The following GPR158 variants were observed in gnomAD, a reference collection of about 807,000 sequenced individuals.
GPR158 encodes metabotropic glycine receptor.
GPR158 carries 30 observed loss-of-function variants against 78.2 expected under a neutral mutation model. The observed-to-expected ratio is 0.38, with a 90% CI of 0.29 to 0.52. The LOEUF is 0.52. GPR158 is among the 20% of genes least tolerant of loss of function. The probability of loss-of-function intolerance (pLI) is 0.83; values close to 1 mark genes in which losing one functional copy is unlikely to be tolerated. For synonymous variants in GPR158, 581 were observed against 591.1 expected (o/e 0.98, Z 0.25); for missense variants, 1,463 against 1,523.5 (o/e 0.96, Z 0.66).
At chr10:25,330,349 G>T (rs1193008609) in intron 2 of GPR158, among the ~76,000 whole-genome samples, 2 of 152,110 alleles carry the variant, frequency 1.3e-5, no homozygotes, top group Non-Finnish European at 2.9e-5. Context: ...GTTGCTGCAG[G>T]AGCACAGAAG....
chr10:25,199,382 G>A (rs748544361), intron 1 of GPR158, among the ~76,000 whole-genome samples: 2 of 152,064 alleles, frequency 1.3e-5, no homozygotes, highest in Non-Finnish European at 2.9e-5. Context: ...TCAATGTTTA[G>A]TTCTACTTAT....
Position 25,599,465 on chromosome 10 carries a change from CT to C in GPR158, c.*194del, listed in dbSNP as rs1344946606. On this transcript the variant is annotated 3_prime_UTR_variant, in exon 11 of 11. Transcript: ENST00000376351. ...ACAACGTCATAATGGAGAAGTCAGA[CT>C]TTGGTCAAGAAAGTCCTTCCCTTGG... 6 of 569,940 alleles carry C rather than the reference CT, an allele frequency of 1.1e-5. No individual in the cohort carries two copies. Among genetic ancestry groups the C allele is most frequent in the South Asian group, 2.3e-5 (1 of 43,048 alleles). 35.3% of individuals were successfully genotyped at this position (569,940 alleles called of 1,614,324 possible).
intron 5 of GPR158, among the ~76,000 whole-genome samples, chr10:25,508,662 G>C (rs1836045365): frequency 6.6e-6 from 1 of 152,134 alleles, no homozygotes. Flanking sequence ...GGGGGTAGGG[G>C]AAGTCAGGTC....
chr10:25,439,839 A>T (rs1218196288), intron 4 of GPR158, among the ~76,000 whole-genome samples: 1 of 152,190 alleles, frequency 6.6e-6, no homozygotes, highest in African/African-American at 2.4e-5. Context: ...AATTGTGTCT[A>T]CAAAATTTTT....
chr10:25,283,359 G>T (rs1220102978), intron 2 of GPR158, among the ~76,000 whole-genome samples: 1 of 151,906 alleles, frequency 6.6e-6, no homozygotes, highest in Admixed American at 6.6e-5. Flanking sequence ...AATTCATAAT[G>T]TTGATAATTC....
intron 2 of GPR158, among the ~76,000 whole-genome samples, chr10:25,316,933 GTATA>G (rs35117291): frequency 1.3e-5 from 2 of 148,786 alleles, no homozygotes; most frequent in African/African-American, 2.5e-5. Flanking sequence ...GTATGTGTGT[GTATA>G]TATATATATA....
intron 5 of GPR158, among the ~76,000 whole-genome samples, chr10:25,524,162 A>G (rs1210646244): frequency 6.6e-6 from 1 of 152,230 alleles, no homozygotes; most frequent in South Asian, 2.1e-4. Context: ...AAGGCGTTCA[A>G]GAACTACATA....
chr10:25,408,113 T>C (rs550813931), intron 3 of GPR158, among the ~76,000 whole-genome samples: 49 of 152,320 alleles, frequency 3.2e-4, no homozygotes, highest in African/African-American at 1.2e-3. Flanking sequence ...ATGTATACTG[T>C]TTAGGTTAAA....
At chr10:25,415,467 CCACTACCATAGCTAAAAA>C (rs1834646354) in intron 4 of GPR158, among the ~76,000 whole-genome samples, 1 of 151,948 alleles carries the variant, frequency 6.6e-6, no homozygotes, top group African/African-American at 2.4e-5. Flanking sequence ...CCGACAGTAC[CCACTACCATAGCTAAAAA>C]TAGAAAAGAT....
intron 6 of GPR158, among the ~76,000 whole-genome samples, chr10:25,562,073 T>C (rs905922295): frequency 6.6e-6 from 1 of 151,860 alleles, no homozygotes; most frequent in Non-Finnish European, 1.5e-5. Context: ...ATATTTTGTA[T>C]TGAGGTAAAA....
rs1017595769 is a variant in GPR158 at position 25,443,221 on chromosome 10, G to A, written c.1336-23430G>A. On this transcript the variant is annotated intron_variant, in intron 4 of 10. Transcript: ENST00000376351. The stretch of plus-strand genomic sequence containing the variant: ...ATGCTTCAGCCTCCTGAGTAGCTGA[G>A]ACTATAGGCAGGTACTGCCATGCTT... 3.9e-5 allele frequency among the ~76,000 whole-genome samples: 6 copies of A among 152,198 alleles called. No homozygotes were observed. In the East Asian group the frequency reaches 1.2e-3, roughly 30 times the overall value.
chr10:25,543,031 G>A (rs1184201137), intron 5 of GPR158, among the ~76,000 whole-genome samples: 3 of 152,088 alleles, frequency 2.0e-5, no homozygotes, highest in African/African-American at 7.2e-5. Flanking sequence ...TGAAATCTTT[G>A]AAATGGGAGA....
chr10:25,269,803 G>A (rs11014478), intron 2 of GPR158, among the ~76,000 whole-genome samples: 5 of 152,002 alleles, frequency 3.3e-5, no homozygotes, highest in Non-Finnish European at 7.4e-5. Flanking sequence ...TATATTGTCA[G>A]CAATGCAGTG....
intron 3 of GPR158, among the ~76,000 whole-genome samples, chr10:25,403,995 A>G (rs1428521199): frequency 6.6e-6 from 1 of 152,050 alleles, no homozygotes; most frequent in African/African-American, 2.4e-5. Flanking sequence ...CTTTTAAACA[A>G]TCATAAGCTT....
chr10:25,244,887 C>T (rs972773100), intron 2 of GPR158: 5 of 151,396 alleles, frequency 3.3e-5, no homozygotes, highest in Non-Finnish European at 5.9e-5. Flanking sequence ...TGGTACTTAA[C>T]CTCTTTTCTC....
At chr10:25,404,220 C>A (rs546126591) in intron 3 of GPR158, among the ~76,000 whole-genome samples, 1 of 152,162 alleles carries the variant, frequency 6.6e-6, no homozygotes, top group African/African-American at 2.4e-5. Context: ...CTTTAGAAAT[C>A]AGGTCTCTTG....
At chr10:25,489,526 T>C (rs544050197) in intron 5 of GPR158, among the ~76,000 whole-genome samples, 1 of 152,274 alleles carries the variant, frequency 6.6e-6, no homozygotes, top group East Asian at 1.9e-4. Flanking sequence ...CACTAAGTTT[T>C]CAAAGAATAC....
intron 5 of GPR158, among the ~76,000 whole-genome samples, chr10:25,515,865 A>G (rs2130675173): frequency 6.6e-6 from 1 of 151,076 alleles, no homozygotes; most frequent in East Asian, 1.9e-4. Flanking sequence ...CATGATTTAT[A>G]GTCATTTGGG....
intron 4 of GPR158, among the ~76,000 whole-genome samples, chr10:25,432,477 T>C (rs1042071937): frequency 6.6e-6 from 1 of 152,142 alleles, no homozygotes; most frequent in Non-Finnish European, 1.5e-5. Context: ...AATACCTGCA[T>C]ATATGTACAT....
Sources: gnomAD v4.1 joint callset for allele counts (sites outside exome capture counted in the v4.1 genomes callset) on GRCh38, gnomAD v4.1.1 for gene constraint, MANE v1.5 for transcripts, NCBI Gene and HGNC (gene_info 2026-07-23, HGNC 2026-07-21) for gene names.